The following PTGER1 variants were observed in gnomAD, a reference collection of about 807,000 sequenced individuals.
The protein encoded by PTGER1 is prostaglandin E receptor 1.
In PTGER1, 15 loss-of-function variants were observed where a neutral mutation model predicts 18.5. The observed-to-expected ratio is 0.81, with a 90% CI of 0.54 to 1.25. The LOEUF (loss-of-function observed/expected upper bound fraction) is 1.25, where lower values mean the gene tolerates loss of function less well. Among genes scored for constraint, PTGER1 ranks in the 50% most tolerant of loss-of-function variants. The probability of loss-of-function intolerance (pLI) is 0.00; values close to 1 mark genes in which losing one functional copy is unlikely to be tolerated. For synonymous variants in PTGER1, 339 were observed against 308.4 expected (o/e 1.10, Z -1.04); for missense variants, 567 against 603.4 (o/e 0.94, Z 0.63).
chr19:14,472,784 G>C lies in PTGER1; in HGVS notation c.985C>G (p.Leu329Val). Residue 329 changes from leucine to valine, a missense_variant, in exon 3 of 3, where the codon CTG (leucine) becomes GTG (valine). Leu to Val is a conservative substitution (Grantham distance 32). Transcript: ENST00000292513. The part of the protein sequence containing the change: ...LAVGGWSSTS[L>V]QRPLFLAVRL... ...ACGGCCAGGAACAGTGGCCGCTGCA[G>C]GGAGGTAGAGCTCCAGCCGCCGACG... is the stretch of plus-strand genomic sequence containing the variant. 3.2e-6 allele frequency: 5 copies of C among 1,572,544 alleles called. No individual in the cohort carries two copies. The highest frequency in any genetic ancestry group is 4.3e-6 in the Non-Finnish European group (5 of 1,161,200).
Position 14,474,409 on chromosome 19 carries a change from A to C in PTGER1, c.-17-72T>G. 7.3e-6 allele frequency: 10 copies of C among 1,378,594 alleles called. No individual in the cohort carries two copies. The South Asian group carries it at 9.3e-5, about 13-fold the overall frequency. The allele number at this position is 1,378,594 out of a possible 1,614,324, so 85.4% of individuals were successfully genotyped here. On this transcript the variant is annotated intron_variant, in intron 1 of 2. Transcript: ENST00000292513. This position sits in a 1 kb window ranked among gnomAD's most constrained non-coding sequence, Gnocchi z 5.4. ...GGGGACCAGCCCACGGTGCCATCTCAGAACATCAGGGCCTGTTTGACTCCA... is the reference window on the plus strand; with the variant it reads ...GGGGACCAGCCCACGGTGCCATCTCCGAACATCAGGGCCTGTTTGACTCCA...
At position 14,474,167 on chromosome 19, in the gene PTGER1, G is replaced by A. The variant is rs1474468674; in HGVS notation, c.154C>T (p.Leu52=). 5 of 1,484,136 alleles carry A rather than the reference G, an allele frequency of 3.4e-6. No homozygotes were observed. The African/African-American group carries it at 5.9e-5, about 18-fold the overall frequency. The allele number at this position is 1,484,136 out of a possible 1,614,324, so 91.9% of individuals were successfully genotyped here. ...SMTLGAVSNL[L]ALALLAQAAG... ...GCCTGCGCCAGCAGCGCCAGCGCCA[G>A]CAGGTTGGACACGGCGCCCAGCGTC... Residue 52 remains leucine, a synonymous_variant, in exon 2 of 3, where the codon CTG becomes TTG. Coordinates refer to ENST00000292513, the MANE Select transcript of PTGER1 (RefSeq NM_000955.3). The surrounding 1 kb of genome is among the most constrained non-coding windows in gnomAD (Gnocchi z 5.4).
In PTGER1 at chr19:14,474,784, TC is replaced by T. The variant is rs999861996; in HGVS notation, c.-17-448del. On this transcript the variant is annotated intron_variant, in intron 1 of 2. Coordinates refer to ENST00000292513, the MANE Select transcript of PTGER1 (RefSeq NM_000955.3). This position sits in a 1 kb window ranked among gnomAD's most constrained non-coding sequence, Gnocchi z 5.4. ...CCATGTCAGCTTTACTCCAGTCCCA[TC>T]CTCGATGCCCCAGCCCCATCTCTAC... Among the ~76,000 whole-genome samples, 1 of 151,968 alleles carries T rather than the reference TC, an allele frequency of 6.6e-6. No individual in the cohort carries two copies. Among genetic ancestry groups the T allele is most frequent in the African/African-American group, 2.4e-5 (1 of 41,376 alleles).
At chr19:14,472,945 G>A (rs939216680) in intron 2 of PTGER1, 119 bp from the exon 3 acceptor site, 2 of 1,018,848 alleles carry the variant, frequency 2.0e-6, no homozygotes, top group African/African-American at 3.2e-5. Context: ...CGCAGGGAGG[G>A]TAAATGGGGA....
At position 14,474,915 on chromosome 19, in the gene PTGER1, C is replaced by T. The variant is rs930851255; in HGVS notation, c.-18+347G>A. ...TCTGTGCCATGGACCCATCTCTGCCCCTGCCCCATGGACCTGCCTCTGCTC... is the reference window on the plus strand; with the variant it reads ...TCTGTGCCATGGACCCATCTCTGCCTCTGCCCCATGGACCTGCCTCTGCTC... On this transcript the variant is annotated intron_variant, in intron 1 of 2. Coordinates refer to ENST00000292513, the MANE Select transcript of PTGER1 (RefSeq NM_000955.3). The surrounding 1 kb of genome is among the most constrained non-coding windows in gnomAD (Gnocchi z 5.4). 6.6e-6 allele frequency among the ~76,000 whole-genome samples: 1 copy of T among 152,164 alleles called. No homozygotes were observed. The highest frequency in any genetic ancestry group is 2.4e-5 in the African/African-American group (1 of 41,450).
Position 14,474,189 on chromosome 19 carries a change from C to A in PTGER1, c.132G>T (p.Thr44=). ...CCAGCAGGTTGGACACGGCGCCCAG[C>A]GTCATGGAGAAGATGGGCAGCGCGG... is the stretch of plus-strand genomic sequence containing the variant. ...ASPALPIFSM[T]LGAVSNLLAL... The change falls in exon 2 of 3, where the codon ACG becomes ACT. Residue 44 remains threonine, a synonymous_variant. Transcript: ENST00000292513. The surrounding 1 kb of genome is among the most constrained non-coding windows in gnomAD (Gnocchi z 5.4). 6.6e-7 allele frequency: 1 copy of A among 1,517,068 alleles called. No individual in the cohort carries two copies. Among genetic ancestry groups the A allele is most frequent in the Non-Finnish European group, 8.8e-7 (1 of 1,138,642 alleles). 94.0% of individuals were successfully genotyped at this position (1,517,068 alleles called of 1,614,324 possible).
At position 14,472,639 on chromosome 19, in the gene PTGER1, G is replaced by T. The variant is rs1168944923; in HGVS notation, c.1130C>A (p.Ala377Glu). The change falls in exon 3 of 3, where the codon GCG becomes GAG. Residue 377 changes from alanine to glutamate, a missense_variant. Transcript: ENST00000292513. ...GGCGCTCGGTGTTAGGCCCAGCCCC[G>T]CGGGGCCGCCCTTGGCTCCGGCCCT... Reference protein sequence around the residue: ...PPRAGAKGGPAGLGLTPSAWE... With the variant: ...PPRAGAKGGPEGLGLTPSAWE... The T allele has an allele frequency of 6.2e-7, 1 of 1,606,638 alleles. No homozygotes were observed.
Position 14,474,371 on chromosome 19 carries a change from G to A in PTGER1, c.-17-34C>T, listed in dbSNP as rs1324193530. 1 of 1,451,354 alleles carries A rather than the reference G, an allele frequency of 6.9e-7. No homozygotes were observed. The highest frequency in any genetic ancestry group is 9.0e-7 in the Non-Finnish European group (1 of 1,109,856). 89.9% of individuals were successfully genotyped at this position (1,451,354 alleles called of 1,614,324 possible). A position where few individuals can be genotyped will look rare whatever the true frequency, so the allele number is the denominator to read the frequency against. On this transcript the variant is annotated intron_variant, in intron 1 of 2. Coordinates refer to ENST00000292513, the MANE Select transcript of PTGER1 (RefSeq NM_000955.3). The surrounding 1 kb of genome is among the most constrained non-coding windows in gnomAD (Gnocchi z 5.4). Reference sequence around the variant, plus strand: ...AGGAGAGGAGGGCAGAGTGAGGCTGGCTGGGCCCGGGCGGGGACCAGCCCA... The same window carrying A: ...AGGAGAGGAGGGCAGAGTGAGGCTGACTGGGCCCGGGCGGGGACCAGCCCA...
At position 14,473,448 on chromosome 19, in the gene PTGER1, G is replaced by A. The variant is rs2071585036; in HGVS notation, c.873C>T (p.His291=). ...SSGSARRARA[H]DVEMVGQLVG... ...CAAGCTGGCCCACCATCTCCACGTC[G>A]TGGGCGCGAGCTCTGCGTGCCGAGC... Residue 291 remains histidine, a synonymous_variant, in exon 2 of 3, where the codon CAC becomes CAT. Transcript: ENST00000292513. The surrounding 1 kb of genome is among the most constrained non-coding windows in gnomAD (Gnocchi z 7.1). 7 of 1,593,906 alleles carry A rather than the reference G, an allele frequency of 4.4e-6. No homozygotes were observed. Among genetic ancestry groups the A allele is most frequent in the African/African-American group, 2.7e-5 (2 of 74,580 alleles).
Position 14,472,625 on chromosome 19 carries a change from T to G in PTGER1, c.1144A>C (p.Thr382Pro). ...AKGGPAGLGL[T>P]PSAWEASSLR... ...GAGCTGGCCTCCCAGGCGCTCGGTGTTAGGCCCAGCCCCGCGGGGCCGCCC... is the reference window on the plus strand; with the variant it reads ...GAGCTGGCCTCCCAGGCGCTCGGTGGTAGGCCCAGCCCCGCGGGGCCGCCC... The change falls in exon 3 of 3, where the codon ACA (threonine) becomes CCA (proline). Residue 382 changes from threonine (T) to proline (P), a missense_variant. Coordinates refer to ENST00000292513, the MANE Select transcript of PTGER1 (RefSeq NM_000955.3). The G allele has an allele frequency of 1.2e-6, 2 of 1,605,684 alleles. No homozygotes were observed.
Position 14,473,728 on chromosome 19 carries a change from C to A in PTGER1, c.593G>T (p.Trp198Leu). ...CFIGLGPPGG[W>L]RQALLAGLFA... ...GAGGCCAGCAAGCAGTGCCTGGCGCCAGCCGCCCGGGGGACCCAGGCCGAT... is the reference window on the plus strand; with the variant it reads ...GAGGCCAGCAAGCAGTGCCTGGCGCAAGCCGCCCGGGGGACCCAGGCCGAT... The change falls in exon 2 of 3, where the codon TGG (tryptophan) becomes TTG (leucine). Residue 198 changes from tryptophan to leucine, a missense_variant. Coordinates refer to ENST00000292513, the MANE Select transcript of PTGER1 (RefSeq NM_000955.3). This position sits in a 1 kb window ranked among gnomAD's most constrained non-coding sequence, Gnocchi z 7.1. 1 of 1,462,470 alleles carries A rather than the reference C, an allele frequency of 6.8e-7. No homozygotes were observed. The highest frequency in any genetic ancestry group is 1.3e-5 in the South Asian group (1 of 76,694). The allele number at this position is 1,462,470 out of a possible 1,614,324, so 90.6% of individuals were successfully genotyped here.
Position 14,474,671 on chromosome 19 carries a change from A to T in PTGER1, c.-17-334T>A, listed in dbSNP as rs945468345. Among the ~76,000 whole-genome samples, 2 of 139,520 alleles carry T rather than the reference A, an allele frequency of 1.4e-5. No individual in the cohort carries two copies. Among genetic ancestry groups the T allele is most frequent in the Non-Finnish European group, 3.1e-5 (2 of 64,146 alleles). The allele number at this position is 139,520 out of a possible 152,430, so 91.5% of individuals were successfully genotyped here. On this transcript the variant is annotated intron_variant, in intron 1 of 2. Coordinates refer to ENST00000292513, the MANE Select transcript of PTGER1 (RefSeq NM_000955.3). This position sits in a 1 kb window ranked among gnomAD's most constrained non-coding sequence, Gnocchi z 5.4. ...CCAGTGCCTCCGACCCCCACCTTCC[A>T]TTTTTACACCCAGCAAATTCCTGGG...
Position 14,474,232 on chromosome 19 carries a change from G to T in PTGER1, c.89C>A (p.Pro30Gln). 1 of 1,527,478 alleles carries T rather than the reference G, an allele frequency of 6.5e-7. No homozygotes were observed. Among genetic ancestry groups the T allele is most frequent in the Non-Finnish European group, 8.7e-7 (1 of 1,143,064 alleles). The allele number at this position is 1,527,478 out of a possible 1,614,324, so 94.6% of individuals were successfully genotyped here. Residue 30 changes from proline to glutamine, a missense_variant, in exon 2 of 3, where the codon CCG (proline) becomes CAG (glutamine). By Grantham distance (76) the Pro-to-Gln change is moderately conservative. Coordinates refer to ENST00000292513, the MANE Select transcript of PTGER1 (RefSeq NM_000955.3). The surrounding 1 kb of genome is among the most constrained non-coding windows in gnomAD (Gnocchi z 5.4). ...CAGCGCGGGCGAAGCGCCCGACGGCGGCACGGCCGACGTGTTGGGGACCCA... is the reference window on the plus strand; with the variant it reads ...CAGCGCGGGCGAAGCGCCCGACGGCTGCACGGCCGACGTGTTGGGGACCCA... ...APWVPNTSAV[P>Q]PSGASPALPI...
chr19:14,473,020 G>C lies in PTGER1; in HGVS notation c.943-194C>G, dbSNP rs2071580298. On this transcript the variant is annotated intron_variant, in intron 2 of 2. Coordinates refer to ENST00000292513, the MANE Select transcript of PTGER1 (RefSeq NM_000955.3). This position sits in a 1 kb window ranked among gnomAD's most constrained non-coding sequence, Gnocchi z 7.1. ...AGAAACAAACACCTTCAGTGGGTGG[G>C]GGTCCGGCCGTAGAGGAGTCTCAGG... 6.6e-6 allele frequency among the ~76,000 whole-genome samples: 1 copy of C among 152,140 alleles called. No individual in the cohort carries two copies. Among genetic ancestry groups the C allele is most frequent in the African/African-American group, 2.4e-5 (1 of 41,432 alleles).
At position 14,474,094 on chromosome 19, in the gene PTGER1, A is replaced by C; in HGVS notation, c.227T>G (p.Phe76Cys). 1 of 1,476,682 alleles carries C rather than the reference A, an allele frequency of 6.8e-7. No homozygotes were observed. Among genetic ancestry groups the C allele is most frequent in the Non-Finnish European group, 8.9e-7 (1 of 1,119,044 alleles). The allele number at this position is 1,476,682 out of a possible 1,614,324, so 91.5% of individuals were successfully genotyped here. A position where few individuals can be genotyped will look rare whatever the true frequency, so the allele number is the denominator to read the frequency against. Residue 76 changes from phenylalanine (F) to cysteine (C), a missense_variant, in exon 2 of 3, where the codon TTC becomes TGC. Physicochemically the swap from Phe to Cys is radical, Grantham distance 205 (BLOSUM62 -2). Transcript: ENST00000292513. The surrounding 1 kb of genome is among the most constrained non-coding windows in gnomAD (Gnocchi z 5.4). Reference protein sequence around the residue: ...RRRSAATFLLFVASLLATDLA... With the variant: ...RRRSAATFLLCVASLLATDLA... ...GTCGGTGGCCAGCAGGCTGGCCACG[A>C]ACAGCAGGAAGGTGGCGGCCGAGCG...
rs1355488959 is a variant in PTGER1 at position 14,472,795 on chromosome 19, C to T, written c.974G>A (p.Ser325Asn). 1 of 1,563,462 alleles carries T rather than the reference C, an allele frequency of 6.4e-7. No individual in the cohort carries two copies. The highest frequency in any genetic ancestry group is 1.4e-5 in the African/African-American group (1 of 73,576). ...VLVALAVGGWSSTSLQRPLFL... is the reference protein window; with the variant it reads ...VLVALAVGGWNSTSLQRPLFL... The stretch of plus-strand genomic sequence containing the variant: ...CAGTGGCCGCTGCAGGGAGGTAGAG[C>T]TCCAGCCGCCGACGGCCAGCGCCAC... Residue 325 changes from serine to asparagine, a missense_variant, in exon 3 of 3, where the codon AGC (serine) becomes AAC (asparagine). Transcript: ENST00000292513.
At position 14,472,478 on chromosome 19, in the gene PTGER1, T is replaced by A. The variant is rs1254469404; in HGVS notation, c.*82A>T. Reference sequence around the variant, plus strand: ...GTCCTGCCTGGGCTCGCAGAATGGCTTTTTATTCCCAAAGGCTCTGCGCCG... The same window carrying A: ...GTCCTGCCTGGGCTCGCAGAATGGCATTTTATTCCCAAAGGCTCTGCGCCG... On this transcript the variant is annotated 3_prime_UTR_variant, in exon 3 of 3. Coordinates refer to ENST00000292513, the MANE Select transcript of PTGER1 (RefSeq NM_000955.3). 7.0e-7 allele frequency: 1 copy of A among 1,431,958 alleles called. No homozygotes were observed. Among genetic ancestry groups the A allele is most frequent in the East Asian group, 2.5e-5 (1 of 39,352 alleles). 88.7% of individuals were successfully genotyped at this position (1,431,958 alleles called of 1,614,324 possible). A position where few individuals can be genotyped will look rare whatever the true frequency, so the allele number is the denominator to read the frequency against.
chr19:14,472,572 G>C lies in PTGER1; in HGVS notation c.1197C>G (p.Leu399=). 1.9e-6 allele frequency: 3 copies of C among 1,583,330 alleles called. No individual in the cohort carries two copies. The highest frequency in any genetic ancestry group is 1.7e-6 in the Non-Finnish European group (2 of 1,168,552). The change falls in exon 3 of 3, where the codon CTC becomes CTG. Residue 399 remains leucine (L), a synonymous_variant. Coordinates refer to ENST00000292513, the MANE Select transcript of PTGER1 (RefSeq NM_000955.3). ...SSLRSSRHSG[L]SHF ...CCTCTGGTTGTGCTTAGAAGTGGCT[G>C]AGGCCGCTGTGCCGGGAGCTGCGCA...
In PTGER1 at chr19:14,473,506, G is replaced by T. The variant is rs1330966054; in HGVS notation, c.815C>A (p.Ala272Asp). Reference protein sequence around the residue: ...SASSASSIASASTFFGGSRSS... With the variant: ...SASSASSIASDSTFFGGSRSS... The stretch of plus-strand genomic sequence containing the variant: ...CCGAGAGCCGCCAAAGAAGGTGGAG[G>T]CCGAAGCGATGGACGAGGCGGACGA... The change falls in exon 2 of 3, where the codon GCC (alanine) becomes GAC (aspartate). Residue 272 changes from alanine to aspartate, a missense_variant. Ala to Asp is a moderately radical substitution (Grantham distance 126, BLOSUM62 -2). Coordinates refer to ENST00000292513, the MANE Select transcript of PTGER1 (RefSeq NM_000955.3). This position sits in a 1 kb window ranked among gnomAD's most constrained non-coding sequence, Gnocchi z 7.1. The T allele has an allele frequency of 1.9e-6, 3 of 1,578,374 alleles. No individual in the cohort carries two copies. Among genetic ancestry groups the T allele is most frequent in the Admixed American group, 1.8e-5 (1 of 55,462 alleles).
Sources: gnomAD v4.1 joint callset for allele counts (sites outside exome capture counted in the v4.1 genomes callset) on GRCh38, gnomAD v4.1.1 for gene constraint, Gnocchi (gnomAD v3.1) non-coding constraint, MANE v1.5 for transcripts, NCBI Gene and HGNC (gene_info 2026-07-23, HGNC 2026-07-21) for gene names.